The following ZNF704 variants were observed in gnomAD, a reference collection of about 807,000 sequenced individuals.
The protein encoded by ZNF704 is zinc finger protein 704, also known as glucocorticoid induced gene 1.
In ZNF704, 10 loss-of-function variants were observed where a neutral mutation model predicts 44.7. That is an observed-to-expected ratio of 0.22 (90% confidence interval 0.14 to 0.38). The LOEUF (loss-of-function observed/expected upper bound fraction) is 0.38, where lower values mean the gene tolerates loss of function less well. ZNF704 is among the 10% of genes least tolerant of loss of function. The pLI is 1.00. For missense variants in ZNF704, 390 were observed against 545.5 expected (o/e 0.71, Z 2.84); for synonymous variants, 211 against 207.6 (o/e 1.02, Z -0.14).
At chr8:80,642,658 G>A (rs1817761932) in intron 8 of ZNF704, among the ~76,000 whole-genome samples, 1 of 152,122 alleles carries the variant, frequency 6.6e-6, no homozygotes, top group South Asian at 2.1e-4. Flanking sequence ...TGGATAAAAG[G>A]GGACTATTGT....
chr8:80,765,141 G>A (rs1278267673), intron 2 of ZNF704, among the ~76,000 whole-genome samples: 1 of 152,118 alleles, frequency 6.6e-6, no homozygotes, highest in Non-Finnish European at 1.5e-5. Flanking sequence ...GCCTTGGGGG[G>A]GCCACTGGTG....
chr8:80,814,158 G>A (rs1586046802), intron 2 of ZNF704: 1 of 152,182 alleles, frequency 6.6e-6, no homozygotes, highest in African/African-American at 2.4e-5. Flanking sequence ...AGTAAGAAGG[G>A]AGACAGAATT....
chr8:80,833,177 C>T (rs1808497910), intron 1 of ZNF704, among the ~76,000 whole-genome samples: 1 of 152,182 alleles, frequency 6.6e-6, no homozygotes, highest in Admixed American at 6.5e-5. Flanking sequence ...GAAACCCCGT[C>T]TCTACTAAAA....
At chr8:80,645,269 A>G in intron 7 of ZNF704, 2 of 1,223,042 alleles carry the variant, frequency 1.6e-6, no homozygotes, top group African/African-American at 1.5e-5. Flanking sequence ...GTAGGAGGAT[A>G]GACATTTAAT....
intron 1 of ZNF704, among the ~76,000 whole-genome samples, chr8:80,825,490 C>A (rs1200433993): frequency 6.6e-6 from 1 of 152,150 alleles, no homozygotes; most frequent in Non-Finnish European, 1.5e-5. Context: ...GACTTTAACA[C>A]CCCACTGTCA....
intron 1 of ZNF704, among the ~76,000 whole-genome samples, chr8:80,852,885 T>C (rs1808894235): frequency 6.6e-6 from 1 of 152,210 alleles, no homozygotes. Context: ...TTGCATACCA[T>C]ACCATTAAAT....
chr8:80,795,736 CAG>C (rs1807790093), intron 2 of ZNF704, among the ~76,000 whole-genome samples: 6 of 138,826 alleles, frequency 4.3e-5, no homozygotes, highest in Non-Finnish European at 9.4e-5. Flanking sequence ...AAAAAAAAAA[CAG>C]TATTTCTGTA....
chr8:80,864,862 T>A (rs117105088), intron 1 of ZNF704, among the ~76,000 whole-genome samples: 17 of 152,228 alleles, frequency 1.1e-4, no homozygotes, highest in South Asian at 4.1e-4. Context: ...GTGGTAAGCC[T>A]CTTCCAACCT....
chr8:80,810,011 C>T (rs1241254047), intron 2 of ZNF704, among the ~76,000 whole-genome samples: 1 of 152,174 alleles, frequency 6.6e-6, no homozygotes, highest in Non-Finnish European at 1.5e-5. Context: ...CTCACCATGG[C>T]CTCTTGAACA....
Position 80,758,199 on chromosome 8 carries a change from G to A in ZNF704, c.221+63175C>T, listed in dbSNP as rs568806457. 6.6e-5 allele frequency among the ~76,000 whole-genome samples: 10 copies of A among 152,308 alleles called. No individual in the cohort carries two copies. In the East Asian group the frequency reaches 1.2e-3, roughly 18 times the overall value. ...TTCCTTCAGTTCACTGTGGAGCAAA[G>A]GCTCAGCTAGTCACCAAATTATCAG... is the stretch of plus-strand genomic sequence containing the variant. On this transcript the variant is annotated intron_variant, in intron 2 of 8. Coordinates refer to ENST00000327835, the MANE Select transcript of ZNF704 (RefSeq NM_001033723.3).
intron 2 of ZNF704, among the ~76,000 whole-genome samples, chr8:80,799,651 C>A (rs1377928419): frequency 2.6e-5 from 4 of 152,130 alleles, no homozygotes; most frequent in Admixed American, 6.5e-5. Flanking sequence ...ACAAAAACCC[C>A]ATTTTAAGGT....
At chr8:80,777,171 T>C (rs1158518976) in intron 2 of ZNF704, among the ~76,000 whole-genome samples, 1 of 152,210 alleles carries the variant, frequency 6.6e-6, no homozygotes, top group African/African-American at 2.4e-5. Context: ...ATTCCTGCCC[T>C]TCCCTATTGT....
chr8:80,837,517 T>G (rs1808602198), intron 1 of ZNF704, among the ~76,000 whole-genome samples: 1 of 152,170 alleles, frequency 6.6e-6, no homozygotes, highest in Non-Finnish European at 1.5e-5. Flanking sequence ...AAATGACTAT[T>G]CCATCCTCCA....
In ZNF704 at chr8:80,758,887, G is replaced by A. The variant is rs544886077; in HGVS notation, c.221+62487C>T. On this transcript the variant is annotated intron_variant, in intron 2 of 8. Transcript: ENST00000327835. Reference sequence around the variant, plus strand: ...TAGTGCCTTAGATGTAATAAAATATGGTAGTATTATCCCCATTTTACAGAG... The same window carrying A: ...TAGTGCCTTAGATGTAATAAAATATAGTAGTATTATCCCCATTTTACAGAG... 3.9e-4 allele frequency among the ~76,000 whole-genome samples: 60 copies of A among 152,204 alleles called. 1 individual carries two copies. Among genetic ancestry groups the A allele is most frequent in the African/African-American group, 1.4e-3 (58 of 41,548 alleles).
At chr8:80,834,118 C>A (rs1808517983) in intron 1 of ZNF704, among the ~76,000 whole-genome samples, 1 of 151,968 alleles carries the variant, frequency 6.6e-6, no homozygotes, top group South Asian at 2.1e-4. Flanking sequence ...CACTAGAGCC[C>A]AGGAAGTCAA....
Position 80,639,642 on chromosome 8 carries a change from A to T in ZNF704, c.*1724T>A, listed in dbSNP as rs932453756. 6.6e-6 allele frequency: 1 copy of T among 152,444 alleles called. No homozygotes were observed. The highest frequency in any genetic ancestry group is 2.4e-5 in the African/African-American group (1 of 41,448). The allele number at this position is 152,444 out of a possible 1,614,324, so 9.4% of individuals were successfully genotyped here. On this transcript the variant is annotated 3_prime_UTR_variant, in exon 9 of 9. Transcript: ENST00000327835. ...ATTTATATGAGAGTTTAAAAAATAA[A>T]AGTCCCATAATATGTGAATGCACAG... is the stretch of plus-strand genomic sequence containing the variant.
chr8:80,870,823 TCCACTCCCCATCTCACCA>T (rs1809239794), intron 1 of ZNF704, among the ~76,000 whole-genome samples: 2 of 152,032 alleles, frequency 1.3e-5, no homozygotes, highest in South Asian at 2.1e-4. Context: ...ACCTCTCCTA[TCCACTCCCCATCTCACCA>T]CCATCTGCCT....
At chr8:80,782,268 C>T (rs1300365167) in intron 2 of ZNF704, among the ~76,000 whole-genome samples, 11 of 152,062 alleles carry the variant, frequency 7.2e-5, no homozygotes, top group Admixed American at 4.6e-4. Context: ...GCTCTGGGCT[C>T]GAAATAACAA....
intron 1 of ZNF704, among the ~76,000 whole-genome samples, chr8:80,834,998 A>G (rs1165367526): frequency 6.6e-6 from 1 of 152,148 alleles, no homozygotes; most frequent in Non-Finnish European, 1.5e-5. Flanking sequence ...GCAAGTTTTA[A>G]CTTTAATATG....
Sources: allele counts gnomAD v4.1 joint callset (sites outside exome capture counted in the v4.1 genomes callset), GRCh38; gene constraint gnomAD v4.1.1; transcripts MANE v1.5; gene names NCBI Gene and HGNC (gene_info 2026-07-23, HGNC 2026-07-21).